Variants in KIF6 observed in about 807,000 individuals in gnomAD.
KIF6 encodes kinesin family member 6, also known as kinesin-like protein KIF6.
In KIF6, 106 loss-of-function variants were observed where a neutral mutation model predicts 112.7. The observed-to-expected ratio is 0.94, with a 90% CI of 0.80 to 1.11. The LOEUF (loss-of-function observed/expected upper bound fraction) is 1.11, where lower values mean the gene tolerates loss of function less well. Among genes scored for constraint, KIF6 ranks in the 50% least tolerant of loss-of-function variants. The pLI, the probability that KIF6 is intolerant of heterozygous loss-of-function variation, is 0.00. For synonymous variants in KIF6, 339 were observed against 339.9 expected (o/e 1.00, Z 0.03); for missense variants, 929 against 964.0 (o/e 0.96, Z 0.48).
chr6:39,679,257 A>G (rs1158040024), intron 3 of KIF6, among the ~76,000 whole-genome samples: 1 of 152,208 alleles, frequency 6.6e-6, no homozygotes, highest in Non-Finnish European at 1.5e-5. Context: ...ACATGGCCAA[A>G]TTTATGATAT....
chr6:39,460,536 T>TAAAAAAAAAAAA (rs759528125), intron 13 of KIF6, among the ~76,000 whole-genome samples: 235 of 56,852 alleles, frequency 4.1e-3, no homozygotes, highest in East Asian at 6.3e-3. Context: ...AAAAAAAAAG[T>TAAAAAAAAAAAA]AAAAAAAAAA....
At position 39,639,772 on chromosome 6, in the gene KIF6, T is replaced by C. The variant is rs934955641; in HGVS notation, c.252-15A>G. 6.2e-7 allele frequency: 1 copy of C among 1,603,828 alleles called. No individual in the cohort carries two copies. The highest frequency in any genetic ancestry group is 8.5e-7 in the Non-Finnish European group (1 of 1,175,990). On this transcript the variant is annotated splice_polypyrimidine_tract_variant and intron_variant, in intron 3 of 22. Coordinates refer to ENST00000287152, the MANE Select transcript of KIF6 (RefSeq NM_145027.6). ...CTGCCAGGACACTGCAATAAAGAAA[T>C]GACACACTTTCAATATCAACATGGC...
chr6:39,557,501 A>T (rs1005386089), intron 10 of KIF6, among the ~76,000 whole-genome samples: 3 of 152,196 alleles, frequency 2.0e-5, no homozygotes, highest in Non-Finnish European at 4.4e-5. Flanking sequence ...AATGAAGAGG[A>T]CAAGAACATA....
chr6:39,489,344 A>C (rs1775321022), intron 13 of KIF6, among the ~76,000 whole-genome samples: 1 of 152,146 alleles, frequency 6.6e-6, no homozygotes, highest in Non-Finnish European at 1.5e-5. Context: ...TGTTCATTTA[A>C]AAATCAGAGC....
At chr6:39,502,180 T>C (rs1251681362) in intron 13 of KIF6, among the ~76,000 whole-genome samples, 1 of 152,284 alleles carries the variant, frequency 6.6e-6, no homozygotes, top group East Asian at 1.9e-4. Flanking sequence ...TGTGGGCCAA[T>C]ACTCAACATT....
intron 13 of KIF6, among the ~76,000 whole-genome samples, chr6:39,502,058 A>G (rs1776162636): frequency 6.6e-6 from 1 of 152,158 alleles, no homozygotes; most frequent in Non-Finnish European, 1.5e-5. Context: ...GAAATGAAAA[A>G]AGAAAAAAAA....
At chr6:39,502,250 G>C (rs1776175776) in intron 13 of KIF6, among the ~76,000 whole-genome samples, 1 of 152,070 alleles carries the variant, frequency 6.6e-6, no homozygotes, top group South Asian at 2.1e-4. Flanking sequence ...CTTCATAAGT[G>C]AAGGAGAAAT....
intron 6 of KIF6, among the ~76,000 whole-genome samples, chr6:39,599,682 T>C (rs1172358273): frequency 6.6e-6 from 1 of 152,206 alleles, no homozygotes; most frequent in Non-Finnish European, 1.5e-5. Flanking sequence ...AACATGGGTT[T>C]CATTTCACTG....
chr6:39,584,788 G>A, intron 9 of KIF6, 110 bp downstream of exon 9: 1 of 641,272 alleles, frequency 1.6e-6, no homozygotes, highest in Non-Finnish European at 2.7e-6. Flanking sequence ...GAGTTAATAT[G>A]TTTCCACTAC....
chr6:39,418,229 A>G (rs1002006395), intron 15 of KIF6, among the ~76,000 whole-genome samples: 2 of 152,218 alleles, frequency 1.3e-5, no homozygotes, highest in Admixed American at 6.5e-5. Context: ...ATGCAGTTTT[A>G]GGATGTTCAG....
At chr6:39,377,688 G>A (rs1480950062) in intron 16 of KIF6, among the ~76,000 whole-genome samples, 2 of 152,170 alleles carry the variant, frequency 1.3e-5, no homozygotes, top group East Asian at 3.9e-4. Context: ...CCTCTCAGAG[G>A]ACTAAACTAG....
intron 1 of KIF6, among the ~76,000 whole-genome samples, chr6:39,721,666 T>G (rs920199377): frequency 2.0e-5 from 3 of 152,120 alleles, no homozygotes; most frequent in African/African-American, 7.2e-5. Flanking sequence ...AGCCACCACT[T>G]TCAGAATTGA....
intron 14 of KIF6, among the ~76,000 whole-genome samples, chr6:39,427,868 A>C (rs1770880211): frequency 6.6e-6 from 1 of 152,158 alleles, no homozygotes; most frequent in South Asian, 2.1e-4. Context: ...TCCTCATCCC[A>C]CTCAGCCCCG....
chr6:39,444,229 A>AC (rs1014674593), intron 13 of KIF6, among the ~76,000 whole-genome samples: 1 of 151,894 alleles, frequency 6.6e-6, no homozygotes, highest in African/African-American at 2.4e-5. Context: ...TGACTCCAAA[A>AC]CCCACCTTTC....
chr6:39,670,229 C>A (rs1786725867), intron 3 of KIF6, among the ~76,000 whole-genome samples: 1 of 152,150 alleles, frequency 6.6e-6, no homozygotes, highest in African/African-American at 2.4e-5. Flanking sequence ...AATATGATGA[C>A]ACTTCATCAT....
At chr6:39,595,176 A>C (rs956475596) in intron 7 of KIF6, among the ~76,000 whole-genome samples, 1 of 152,226 alleles carries the variant, frequency 6.6e-6, no homozygotes, top group African/African-American at 2.4e-5. Flanking sequence ...AACAGAAAAC[A>C]TGTCGGTTAT....
intron 5 of KIF6, among the ~76,000 whole-genome samples, chr6:39,615,243 A>G (rs1353751274): frequency 1.3e-5 from 2 of 152,244 alleles, no homozygotes; most frequent in Middle Eastern, 3.4e-3. Context: ...CTTTGTCAGC[A>G]TGAAGTCAAA....
chr6:39,355,440 C>A (rs907323178), intron 19 of KIF6, among the ~76,000 whole-genome samples: 4 of 146,418 alleles, frequency 2.7e-5, no homozygotes, highest in Admixed American at 2.1e-4. Context: ...CACTGGCTGG[C>A]CTTTTAATTT....
chr6:39,574,393 A>T (rs1304839728), intron 10 of KIF6, among the ~76,000 whole-genome samples: 1 of 152,176 alleles, frequency 6.6e-6, no homozygotes, highest in South Asian at 2.1e-4. Flanking sequence ...GAAAGTTTGC[A>T]TGTCGGCAGA....
Sources: gnomAD v4.1 joint callset for allele counts (sites outside exome capture counted in the v4.1 genomes callset) on GRCh38, gnomAD v4.1.1 for gene constraint, MANE v1.5 for transcripts, NCBI Gene and HGNC (gene_info 2026-07-23, HGNC 2026-07-21) for gene names.